The following SLC16A7 variants were observed in gnomAD, a reference collection of about 807,000 sequenced individuals.
SLC16A7 encodes the protein monocarboxylate transporter 2.
In SLC16A7, 33 loss-of-function variants were observed where a neutral mutation model predicts 34.9. The ratio of observed to expected loss-of-function variants is 0.94; its 90% CI spans 0.72 to 1.26. The LOEUF (loss-of-function observed/expected upper bound fraction) is 1.26. Among genes scored for constraint, SLC16A7 ranks in the 50% most tolerant of loss-of-function variants. The pLI is 0.00. For synonymous variants in SLC16A7, 201 were observed against 206.6 expected, an observed-to-expected ratio of 0.97 and a Z score of 0.23; for missense variants, 573 against 578.1, an observed-to-expected ratio of 0.99 and a Z score of 0.09.
rs113120002 is a variant in SLC16A7, at chr12:59,775,474, A to G, written c.1179A>G (p.Ala393=). ...CGPVLLGPPL[A]GKLVDLTGEY... The stretch of plus-strand genomic sequence containing the variant: ...CAGTTCTTCTTGGCCCTCCTCTTGC[A>G]GGTAAGAACGTTTTTCATCAAGGAA... Residue 393 remains alanine (A), a splice_region_variant and synonymous_variant, in exon 5 of 6, where the codon GCA becomes GCG. Transcript: ENST00000547379. 1.6e-5 allele frequency: 26 copies of G among 1,610,350 alleles called. No homozygotes were observed. Among genetic ancestry groups the G allele is most frequent in the African/African-American group, 1.6e-4 (12 of 74,880 alleles).
At chr12:59,645,628 C>T (rs182832699) in intron 1 of SLC16A7, among the ~76,000 whole-genome samples, 1 of 152,098 alleles carries the variant, frequency 6.6e-6, no homozygotes, top group Admixed American at 6.6e-5. Context: ...GTTCTCATAC[C>T]AGCATGAGAA....
chr12:59,698,245 A>G (rs1385041919), intron 2 of SLC16A7, among the ~76,000 whole-genome samples: 1 of 151,818 alleles, frequency 6.6e-6, no homozygotes, highest in Non-Finnish European at 1.5e-5. Flanking sequence ...AAATATTGTT[A>G]AAACTGATTA....
chr12:59,711,929 GGAGA>G (rs1340704537), intron 3 of SLC16A7, among the ~76,000 whole-genome samples: 2 of 152,164 alleles, frequency 1.3e-5, no homozygotes, highest in Non-Finnish European at 2.9e-5. Flanking sequence ...CATTATAGTT[GGAGA>G]GTGAGCTCCA....
intron 1 of SLC16A7, among the ~76,000 whole-genome samples, chr12:59,621,157 G>C (rs1879680329): frequency 6.6e-6 from 1 of 151,854 alleles, no homozygotes; most frequent in Admixed American, 6.6e-5. Flanking sequence ...TCATGAGCTT[G>C]AATTTCATGT....
At chr12:59,737,053 G>A (rs1877685002) in intron 3 of SLC16A7, among the ~76,000 whole-genome samples, 1 of 152,196 alleles carries the variant, frequency 6.6e-6, no homozygotes, top group Non-Finnish European at 1.5e-5. Context: ...TCAATGGTGA[G>A]TCACAGACAC....
intron 2 of SLC16A7, among the ~76,000 whole-genome samples, chr12:59,676,034 C>G (rs182206124): frequency 6.6e-6 from 1 of 151,942 alleles, no homozygotes; most frequent in Non-Finnish European, 1.5e-5. Context: ...GGCAAATTGT[C>G]AAGAAATTTA....
At chr12:59,679,543 C>G (rs1044734335) in intron 2 of SLC16A7, among the ~76,000 whole-genome samples, 2 of 152,168 alleles carry the variant, frequency 1.3e-5, no homozygotes, top group African/African-American at 4.8e-5. Context: ...CTGTCATTAT[C>G]TAGGTTAGGT....
At chr12:59,693,666 C>T (rs1218684659) in intron 2 of SLC16A7, among the ~76,000 whole-genome samples, 8 of 151,788 alleles carry the variant, frequency 5.3e-5, no homozygotes, top group Admixed American at 2.6e-4. Context: ...TTTCAAAAGA[C>T]TTTGAAGGAT....
At position 59,681,486 on chromosome 12, in the gene SLC16A7, C is replaced by A. The variant is rs112935520; in HGVS notation, c.-30-23286C>A. ...ATCTAGATACTTCTGTGGCTCATTG[C>A]AAATATGTTTTTATAGAACTGCTTC... On this transcript the variant is annotated intron_variant, in intron 2 of 5. Coordinates refer to ENST00000547379, the MANE Select transcript of SLC16A7 (RefSeq NM_001270623.2). 1.6e-3 allele frequency among the ~76,000 whole-genome samples: 250 copies of A among 151,998 alleles called. 6 individuals carry two copies. The highest frequency in any genetic ancestry group is 0.015 in the South Asian group (70 of 4,812).
At chr12:59,676,538 A>G (rs1157386637) in intron 2 of SLC16A7, among the ~76,000 whole-genome samples, 1 of 152,084 alleles carries the variant, frequency 6.6e-6, no homozygotes, top group African/African-American at 2.4e-5. Context: ...AATGGATGTG[A>G]AGAACAATTA....
intron 2 of SLC16A7, among the ~76,000 whole-genome samples, chr12:59,670,635 A>G (rs1006257283): frequency 5.3e-5 from 8 of 152,198 alleles, no homozygotes; most frequent in African/African-American, 1.9e-4. Context: ...CCAAGATACA[A>G]TGGTGGGATG....
intron 3 of SLC16A7, among the ~76,000 whole-genome samples, chr12:59,706,841 A>G (rs1321189983): frequency 1.3e-5 from 2 of 152,108 alleles, no homozygotes; most frequent in Admixed American, 1.3e-4. Flanking sequence ...TTTGAACTTC[A>G]GGTCTTACAT....
intron 3 of SLC16A7, among the ~76,000 whole-genome samples, chr12:59,710,219 C>T (rs1874063081): frequency 6.6e-6 from 1 of 152,128 alleles, no homozygotes; most frequent in Non-Finnish European, 1.5e-5. Flanking sequence ...TAGCAGTCAA[C>T]CTATTAATCA....
rs7312134 is a variant in SLC16A7, at chr12:59,596,967, G to C, written c.-130+731G>C. ...AGGAGGGCCTGAGCCTTCTGGTCTT[G>C]CTGGGCCACTGCACCACATTGGGGG... is the stretch of plus-strand genomic sequence containing the variant. On this transcript the variant is annotated intron_variant, in intron 1 of 5. Transcript: ENST00000547379. This position sits in a 1 kb window ranked among gnomAD's most constrained non-coding sequence, Gnocchi z 5.0. 0.86 allele frequency: 131,077 copies of C among 152,346 alleles called. 56,588 individuals are homozygous for C. Among genetic ancestry groups the C allele is most frequent in the African/African-American group, 0.93 (38,449 of 41,556 alleles). The allele number at this position is 152,346 out of a possible 1,614,324, so 9.4% of individuals were successfully genotyped here.
At chr12:59,763,201 T>C (rs185137305) in intron 3 of SLC16A7, among the ~76,000 whole-genome samples, 20 of 152,236 alleles carry the variant, frequency 1.3e-4, no homozygotes, top group Admixed American at 7.2e-4. Flanking sequence ...TAATTTTTAG[T>C]GCTAGTTAAG....
At chr12:59,678,195 T>C (rs1870462064) in intron 2 of SLC16A7, among the ~76,000 whole-genome samples, 1 of 152,200 alleles carries the variant, frequency 6.6e-6, no homozygotes, top group Admixed American at 6.5e-5. Context: ...TCTTCTCTCC[T>C]TCTTATTGCC....
intron 5 of SLC16A7, among the ~76,000 whole-genome samples, chr12:59,777,047 A>C (rs892203118): frequency 5.9e-5 from 9 of 152,206 alleles, no homozygotes; most frequent in Non-Finnish European, 1.3e-4. Context: ...AATCAAGTCC[A>C]AATACATAGT....
intron 1 of SLC16A7, among the ~76,000 whole-genome samples, chr12:59,614,824 TAAAAAAAAAAAAA>T (rs71448588): frequency 2.8e-5 from 1 of 35,744 alleles, no homozygotes; most frequent in Non-Finnish European, 4.7e-5. Flanking sequence ...CCATTCCTAC[TAAAAAAAAAAAAA>T]AAAAAAAAAA....
chr12:59,728,997 T>C (rs746065201), intron 3 of SLC16A7, among the ~76,000 whole-genome samples: 1 of 152,226 alleles, frequency 6.6e-6, no homozygotes, highest in Non-Finnish European at 1.5e-5. Context: ...ACTTTCATGT[T>C]GTAATTCATT....
Sources: allele counts gnomAD v4.1 joint callset (sites outside exome capture counted in the v4.1 genomes callset), GRCh38; gene constraint gnomAD v4.1.1; non-coding constraint Gnocchi (gnomAD v3.1); transcripts MANE v1.5; gene names NCBI Gene and HGNC (gene_info 2026-07-23, HGNC 2026-07-21).